SORCS1: variants seen among roughly 807,000 people sequenced by gnomAD.
SORCS1 encodes the protein VPS10 domain-containing receptor SorCS1.
Under a neutral mutation model 146.1 loss-of-function variants are expected in SORCS1, and 60 were observed. The observed-to-expected ratio is 0.41, with a 90% CI of 0.33 to 0.51. The LOEUF (loss-of-function observed/expected upper bound fraction) is 0.51. Among genes scored for constraint, SORCS1 ranks in the 20% least tolerant of loss-of-function variants. SORCS1 has a pLI of 0.21. For synonymous variants in SORCS1, 637 were observed against 584.0 expected, an observed-to-expected ratio of 1.09 and a Z score of -1.31; for missense variants, 1,352 against 1,487.6, an observed-to-expected ratio of 0.91 and a Z score of 1.50.
intron 1 of SORCS1, among the ~76,000 whole-genome samples, chr10:107,059,560 T>A (rs1202378337): frequency 6.6e-6 from 1 of 151,836 alleles, no homozygotes. Flanking sequence ...TCCTGGGAGG[T>A]CATAAGTGAC....
chr10:106,740,069 T>C (rs2136099000), intron 5 of SORCS1, among the ~76,000 whole-genome samples: 1 of 152,302 alleles, frequency 6.6e-6, no homozygotes, highest in South Asian at 2.1e-4. Context: ...CATGTTTTGT[T>C]TGAACACATC....
chr10:106,779,699 G>C (rs1564648856), intron 3 of SORCS1, among the ~76,000 whole-genome samples: 1 of 151,936 alleles, frequency 6.6e-6, no homozygotes, highest in Non-Finnish European at 1.5e-5. Context: ...TGTTGGCTAG[G>C]CTGGTCTCGA....
intron 6 of SORCS1, among the ~76,000 whole-genome samples, chr10:106,714,967 T>A (rs1484808454): frequency 6.6e-6 from 1 of 152,202 alleles, no homozygotes; most frequent in African/African-American, 2.4e-5. Context: ...CACTTCTTGC[T>A]CTGAGTGGCT....
chr10:106,785,938 G>C (rs1046658162), intron 3 of SORCS1, among the ~76,000 whole-genome samples: 1 of 152,144 alleles, frequency 6.6e-6, no homozygotes, highest in Non-Finnish European at 1.5e-5. Context: ...ATGAGAGGTG[G>C]AAAAGGGTCA....
At chr10:106,740,924 C>A (rs886091898) in intron 5 of SORCS1, among the ~76,000 whole-genome samples, 2 of 152,336 alleles carry the variant, frequency 1.3e-5, no homozygotes, top group Non-Finnish European at 2.9e-5. Flanking sequence ...ATTCTAATTT[C>A]TCTAGGGCTC....
intron 2 of SORCS1, among the ~76,000 whole-genome samples, chr10:106,938,635 C>A (rs1251967857): frequency 1.3e-5 from 2 of 152,306 alleles, no homozygotes; most frequent in Admixed American, 6.5e-5. Flanking sequence ...GCTTAGATGG[C>A]CCAAAGAATA....
the SORCS1 span, among the ~76,000 whole-genome samples, chr10:107,176,237 C>T: frequency 5.5e-5 from 8 of 145,072 alleles, no homozygotes; most frequent in South Asian, 1.7e-3. Flanking sequence ...CCCTCCTTCC[C>T]TGTTTTCCTT....
intron 2 of SORCS1, among the ~76,000 whole-genome samples, chr10:106,909,429 G>A (rs1952047631): frequency 6.6e-6 from 1 of 152,208 alleles, no homozygotes; most frequent in African/African-American, 2.4e-5. Flanking sequence ...TAGAAATTGA[G>A]AGGTAGAAAT....
intron 1 of SORCS1, among the ~76,000 whole-genome samples, chr10:107,110,009 C>A (rs10884417): frequency 0.031 from 4,795 of 152,258 alleles, 168 homozygotes; most frequent in African/African-American, 0.088. Context: ...CAAGGTATAA[C>A]AAGGGTTCAG....
intron 18 of SORCS1, among the ~76,000 whole-genome samples, chr10:106,643,802 T>C (rs1564810519): frequency 6.6e-6 from 1 of 152,258 alleles, no homozygotes; most frequent in Admixed American, 6.5e-5. Flanking sequence ...GTTGAACAGA[T>C]GAGAACCAGG....
chr10:106,944,533 T>G (rs919947456), intron 2 of SORCS1, among the ~76,000 whole-genome samples: 12 of 152,198 alleles, frequency 7.9e-5, no homozygotes, highest in Non-Finnish European at 7.3e-5. Flanking sequence ...TGACATAATC[T>G]CTCATGTATT....
intron 17 of SORCS1, among the ~76,000 whole-genome samples, chr10:106,654,971 C>T (rs1166746558): frequency 2.0e-5 from 3 of 152,084 alleles, no homozygotes; most frequent in African/African-American, 7.2e-5. Flanking sequence ...ATTCTCTCGC[C>T]TCAGCCATCC....
At chr10:107,084,092 G>GTTTTTTTTTTTTTTTTTTT (rs34590427) in intron 1 of SORCS1, among the ~76,000 whole-genome samples, 5 of 113,786 alleles carry the variant, frequency 4.4e-5, no homozygotes, top group Non-Finnish European at 5.4e-5. Context: ...GTTGTTTTTT[G>GTTTTTTTTTTTTTTTTTTT]TTTTTTTTTT....
chr10:107,068,016 G>T (rs1962052754), intron 1 of SORCS1, among the ~76,000 whole-genome samples: 1 of 152,074 alleles, frequency 6.6e-6, no homozygotes, highest in East Asian at 1.9e-4. Flanking sequence ...GGCAAGCTTG[G>T]TACAGAATAG....
At chr10:106,905,029 GT>G (rs1260037468) in intron 2 of SORCS1, among the ~76,000 whole-genome samples, 4 of 152,092 alleles carry the variant, frequency 2.6e-5, no homozygotes, top group African/African-American at 7.2e-5. Flanking sequence ...ATGAATACAT[GT>G]TTAACTTTAA....
chr10:107,111,183 C>T (rs1017024641), intron 1 of SORCS1, among the ~76,000 whole-genome samples: 2 of 152,144 alleles, frequency 1.3e-5, no homozygotes, highest in African/African-American at 4.8e-5. Context: ...GCAAACATGA[C>T]ACCACCAAAG....
intron 1 of SORCS1, among the ~76,000 whole-genome samples, chr10:107,079,098 T>A (rs764878654): frequency 1.3e-5 from 2 of 151,958 alleles, no homozygotes; most frequent in Non-Finnish European, 2.9e-5. Flanking sequence ...CAGTGGTGGG[T>A]GCCTGTAGTC....
intron 10 of SORCS1, among the ~76,000 whole-genome samples, chr10:106,687,630 G>T (rs1285781907): frequency 6.6e-6 from 1 of 152,110 alleles, no homozygotes; most frequent in African/African-American, 2.4e-5. Context: ...TTTCCCACAG[G>T]CTATAGTTTG....
chr10:106,910,150 A>G (rs1319382597), intron 2 of SORCS1, among the ~76,000 whole-genome samples: 2 of 152,186 alleles, frequency 1.3e-5, no homozygotes, highest in African/African-American at 4.8e-5. Context: ...TGGCACATGC[A>G]ACAAGTTTTA....
Sources: gnomAD v4.1 joint callset for allele counts (sites outside exome capture counted in the v4.1 genomes callset) on GRCh38, gnomAD v4.1.1 for gene constraint, MANE v1.5 for transcripts, NCBI Gene and HGNC (gene_info 2026-07-23, HGNC 2026-07-21) for gene names.